SGCZ: variants seen among roughly 807,000 people sequenced by gnomAD.
The protein encoded by SGCZ is sarcoglycan zeta.
SGCZ carries 40 observed loss-of-function variants against 41.3 expected under a neutral mutation model. The observed-to-expected ratio is 0.97, with a 90% CI of 0.75 to 1.26. The LOEUF is 1.26. SGCZ is among the 50% of genes most tolerant of loss of function. The pLI is 0.00. For missense variants in SGCZ, 552 were observed against 369.8 expected, an observed-to-expected ratio of 1.49 and a Z score of -4.04; for synonymous variants, 206 against 137.5, an observed-to-expected ratio of 1.50 and a Z score of -3.49.
At chr8:15,031,075 G>A (rs567353953) in intron 1 of SGCZ, among the ~76,000 whole-genome samples, 1 of 152,256 alleles carries the variant, frequency 6.6e-6, no homozygotes, top group African/African-American at 2.4e-5. Flanking sequence ...GCGTGTGTGT[G>A]TGTGTGTGCG....
intron 1 of SGCZ, among the ~76,000 whole-genome samples, chr8:15,051,174 G>A (rs1804499810): frequency 6.6e-6 from 1 of 152,132 alleles, no homozygotes; most frequent in Non-Finnish European, 1.5e-5. Flanking sequence ...GCATCCAAAT[G>A]AAAAGGGAAT....
At chr8:14,119,183 C>T (rs1186982656) in intron 5 of SGCZ, among the ~76,000 whole-genome samples, 1 of 152,142 alleles carries the variant, frequency 6.6e-6, no homozygotes, top group Non-Finnish European at 1.5e-5. Flanking sequence ...ACTGATTCTT[C>T]TTATCCATGA....
chr8:14,978,237 G>GT (rs1292032758), intron 1 of SGCZ, among the ~76,000 whole-genome samples: 9 of 151,490 alleles, frequency 5.9e-5, no homozygotes, highest in Admixed American at 3.3e-4. Flanking sequence ...GGAGGCTGAG[G>GT]GGGGTGGATC....
chr8:14,612,744 T>C (rs188142700), intron 1 of SGCZ, among the ~76,000 whole-genome samples: 163 of 152,308 alleles, frequency 1.1e-3, no homozygotes, highest in African/African-American at 3.7e-3. Flanking sequence ...TGGAAGGCAG[T>C]GGCAGGATCT....
chr8:14,893,009 CAG>C (rs1367424713), intron 1 of SGCZ, among the ~76,000 whole-genome samples: 6 of 152,134 alleles, frequency 3.9e-5, no homozygotes, highest in African/African-American at 1.4e-4. Context: ...AGAAGAATGA[CAG>C]ACGTCTACAT....
chr8:14,538,493 G>T (rs1358603615), intron 2 of SGCZ, among the ~76,000 whole-genome samples: 3 of 151,910 alleles, frequency 2.0e-5, no homozygotes, highest in Non-Finnish European at 4.4e-5. Context: ...GAGGACTGTG[G>T]CCCTCTTCTA....
At chr8:14,933,077 G>A (rs946879563) in intron 1 of SGCZ, among the ~76,000 whole-genome samples, 1 of 151,910 alleles carries the variant, frequency 6.6e-6, no homozygotes, top group African/African-American at 2.4e-5. Context: ...GGGGATGAGG[G>A]CTGAAAAACT....
At chr8:14,969,030 C>T (rs1801209463) in intron 1 of SGCZ, among the ~76,000 whole-genome samples, 1 of 151,972 alleles carries the variant, frequency 6.6e-6, no homozygotes, top group South Asian at 2.1e-4. Flanking sequence ...GCTACTAATA[C>T]TAATCTATTT....
chr8:14,702,821 A>G (rs200552364), intron 1 of SGCZ, among the ~76,000 whole-genome samples: 8 of 8,306 alleles, frequency 9.6e-4, no homozygotes, highest in South Asian at 4.3e-3. Context: ...AGGTAGATAG[A>G]TAGATAGATA....
intron 1 of SGCZ, among the ~76,000 whole-genome samples, chr8:14,613,809 A>G (rs1203579619): frequency 6.6e-6 from 1 of 152,170 alleles, no homozygotes; most frequent in African/African-American, 2.4e-5. Flanking sequence ...ACTCTTTTCA[A>G]GGAATGAAAT....
At chr8:14,622,047 G>C (rs1289929335) in intron 1 of SGCZ, among the ~76,000 whole-genome samples, 1 of 152,038 alleles carries the variant, frequency 6.6e-6, no homozygotes, top group Non-Finnish European at 1.5e-5. Context: ...ATGATGTTTA[G>C]AGACCTAAGA....
chr8:14,689,001 A>G (rs553399416), intron 1 of SGCZ, among the ~76,000 whole-genome samples: 4 of 152,266 alleles, frequency 2.6e-5, no homozygotes, highest in African/African-American at 9.6e-5. Context: ...CATGAAAAAA[A>G]TATATTTAAA....
At chr8:14,396,693 G>A (rs34236891) in intron 2 of SGCZ, among the ~76,000 whole-genome samples, 6,818 of 151,826 alleles carry the variant, frequency 0.045, 493 homozygotes, top group African/African-American at 0.15. Flanking sequence ...TTCTTCAGGG[G>A]TTTTCTGAGA....
At chr8:15,225,828 T>G (rs1801751714) in intron 1 of SGCZ, among the ~76,000 whole-genome samples, 1 of 152,154 alleles carries the variant, frequency 6.6e-6, no homozygotes, top group South Asian at 2.1e-4. Context: ...AGGTCTTGCC[T>G]CCTAGAATCT....
chr8:14,191,713 G>A (rs1001141721), intron 4 of SGCZ, among the ~76,000 whole-genome samples: 32 of 152,100 alleles, frequency 2.1e-4, no homozygotes, highest in Admixed American at 2.1e-3. Flanking sequence ...AAATCGTAAA[G>A]AGAAGAGAGA....
intron 1 of SGCZ, among the ~76,000 whole-genome samples, chr8:15,054,181 T>C (rs1168063070): frequency 6.6e-6 from 1 of 152,232 alleles, no homozygotes; most frequent in East Asian, 1.9e-4. Context: ...TGAAATATGT[T>C]AATACCAAAT....
At chr8:14,253,167 G>A (rs1231684829) in intron 3 of SGCZ, among the ~76,000 whole-genome samples, 1 of 151,834 alleles carries the variant, frequency 6.6e-6, no homozygotes, top group African/African-American at 2.4e-5. Flanking sequence ...TGAAATTAGA[G>A]AACAAGATAG....
At chr8:14,535,873 C>T (rs1229580264) in intron 2 of SGCZ, among the ~76,000 whole-genome samples, 2 of 151,746 alleles carry the variant, frequency 1.3e-5, no homozygotes, top group Middle Eastern at 3.2e-3. Context: ...ACCATGACGG[C>T]ATGTAAAATA....
At chr8:14,898,379 G>A (rs576086854) in intron 1 of SGCZ, among the ~76,000 whole-genome samples, 14 of 152,304 alleles carry the variant, frequency 9.2e-5, no homozygotes, top group African/African-American at 2.6e-4. Context: ...CGAGGCTGCC[G>A]CTGAACCTCT....
Sources: allele counts gnomAD v4.1 joint callset (sites outside exome capture counted in the v4.1 genomes callset), GRCh38; gene constraint gnomAD v4.1.1; transcripts MANE v1.5; gene names NCBI Gene and HGNC (gene_info 2026-07-23, HGNC 2026-07-21).